DIAPH2: variants seen among roughly 807,000 people sequenced by gnomAD.
The protein encoded by DIAPH2 is diaphanous related formin 2, also known as protein diaphanous homolog 2.
Under a neutral mutation model 92.7 loss-of-function variants are expected in DIAPH2, and 35 were observed. The ratio of observed to expected loss-of-function variants is 0.38; its 90% CI spans 0.29 to 0.50. The LOEUF is 0.50. DIAPH2 is among the 20% of genes least tolerant of loss of function. The pLI is 0.94. For missense variants in DIAPH2, 701 were observed against 819.5 expected (o/e 0.86, Z 1.77); for synonymous variants, 301 against 280.4 (o/e 1.07, Z -0.73).
Position 96,942,145 on chromosome X carries a change from C to T in DIAPH2, c.1444+9C>T. The T allele has an allele frequency of 1.0e-6, 1 of 992,841 alleles. No individual in the cohort carries two copies. Among genetic ancestry groups the T allele is most frequent in the Non-Finnish European group, 1.4e-6 (1 of 698,712 alleles). The allele number at this position is 992,841 out of a possible 1,213,427, so 81.8% of individuals were successfully genotyped here. ...TTTAACTCATCTGATAGGTATGTAT[C>T]ATAATCCTCATTGTCCTCTGATTGT... On this transcript the variant is annotated intron_variant, in intron 13 of 26. Coordinates refer to ENST00000324765, the MANE Select transcript of DIAPH2 (RefSeq NM_006729.5).
intron 17 of DIAPH2, among the ~76,000 whole-genome samples, chrX:97,047,324 A>G (rs771473401): frequency 9.0e-6 from 1 of 110,561 alleles, no homozygotes; most frequent in South Asian, 3.9e-4. Flanking sequence ...GTGTTTATCT[A>G]GTTCAGATAG....
intron 26 of DIAPH2, among the ~76,000 whole-genome samples, chrX:97,589,000 T>TATATATATATATATATATATATATAC (rs1454884586): frequency 3.2e-5 from 2 of 62,688 alleles, no homozygotes; most frequent in African/African-American, 1.0e-4. Context: ...TATAGAAATA[T>TATATATATATATATATATATATATAC]ATATATATAT....
intron 26 of DIAPH2, among the ~76,000 whole-genome samples, chrX:97,538,136 G>A (rs1448787452): frequency 1.8e-5 from 2 of 110,299 alleles, no homozygotes; most frequent in African/African-American, 3.3e-5. Flanking sequence ...TGCCCGCCTC[G>A]GCCTCCCAAA....
Position 97,604,605 on chromosome X carries a change from A to T in DIAPH2, c.*5288A>T, listed in dbSNP as rs1032580673. ...GATACTTTTGCTACTATGGGCAATT[A>T]ACTTGAAAAAAATAATCGATCCCAA... On this transcript the variant is annotated 3_prime_UTR_variant, in exon 27 of 27. Coordinates refer to ENST00000324765, the MANE Select transcript of DIAPH2 (RefSeq NM_006729.5). The T allele has an allele frequency of 8.9e-6, 1 of 112,007 alleles. No individual in the cohort carries two copies. Among genetic ancestry groups the T allele is most frequent in the Non-Finnish European group, 1.9e-5 (1 of 53,128 alleles). 9.2% of individuals were successfully genotyped at this position (112,007 alleles called of 1,213,427 possible).
intron 26 of DIAPH2, among the ~76,000 whole-genome samples, chrX:97,499,470 G>A (rs2070780449): frequency 9.0e-6 from 1 of 111,703 alleles, no homozygotes; most frequent in East Asian, 2.8e-4. Flanking sequence ...TAGGTATATT[G>A]AATGGTGAGA....
chrX:96,945,651 C>A, intron 14 of DIAPH2, 60 bp downstream of exon 14: 1 of 814,339 alleles, frequency 1.2e-6, no homozygotes, highest in Non-Finnish European at 1.7e-6. Flanking sequence ...CAGTAATACT[C>A]TACCTTCTTT....
chrX:97,526,575 G>A (rs1200814337), intron 26 of DIAPH2, among the ~76,000 whole-genome samples: 2 of 110,327 alleles, frequency 1.8e-5, no homozygotes, highest in Non-Finnish European at 3.8e-5. Context: ...TGCTAAGTAT[G>A]TCTTGCCTCC....
intron 13 of DIAPH2, among the ~76,000 whole-genome samples, chrX:96,943,145 T>C (rs1352687798): frequency 1.8e-5 from 2 of 110,794 alleles, no homozygotes; most frequent in Non-Finnish European, 3.8e-5. Context: ...CTGATTTTTC[T>C]TGGAACTTTA....
intron 5 of DIAPH2, chrX:96,884,184 G>A (rs1004795656): frequency 5.8e-6 from 3 of 516,085 alleles, no homozygotes; most frequent in Non-Finnish European, 9.3e-6. Context: ...GCATTCAATC[G>A]TAGCCTTTCG....
chrX:96,992,279 T>A (rs1402372496), intron 17 of DIAPH2, among the ~76,000 whole-genome samples: 1 of 111,604 alleles, frequency 9.0e-6, no homozygotes, highest in Non-Finnish European at 1.9e-5. Flanking sequence ...ACTGGTTAGT[T>A]GGCATTAAAC....
intron 9 of DIAPH2, among the ~76,000 whole-genome samples, chrX:96,927,225 A>C (rs1388567071): frequency 9.6e-6 from 1 of 103,850 alleles, no homozygotes; most frequent in East Asian, 3.0e-4. Context: ...GGACCAGAGT[A>C]TTTTATGTTC....
chrX:96,826,139 G>A (rs1284328191), intron 4 of DIAPH2, among the ~76,000 whole-genome samples: 2 of 111,066 alleles, frequency 1.8e-5, no homozygotes, highest in African/African-American at 3.3e-5. Context: ...TATTTTGGCC[G>A]GGTGTGGTGG....
chrX:97,009,618 A>G (rs2066210089), intron 17 of DIAPH2, among the ~76,000 whole-genome samples: 1 of 112,447 alleles, frequency 8.9e-6, no homozygotes, highest in South Asian at 3.7e-4. Context: ...CTACTTAGTC[A>G]GTGCCCAAGG....
At chrX:97,034,423 C>A (rs2066396420) in intron 17 of DIAPH2, among the ~76,000 whole-genome samples, 1 of 107,104 alleles carries the variant, frequency 9.3e-6, no homozygotes. Flanking sequence ...GCCTAAGGTT[C>A]CAAAAAATAG....
intron 25 of DIAPH2, among the ~76,000 whole-genome samples, chrX:97,408,039 A>G (rs2069828312): frequency 8.9e-6 from 1 of 111,904 alleles, no homozygotes; most frequent in African/African-American, 3.2e-5. Context: ...TGATATAATT[A>G]TATCTCTGAG....
At chrX:97,529,889 T>G (rs1028145711) in intron 26 of DIAPH2, among the ~76,000 whole-genome samples, 23 of 112,069 alleles carry the variant, frequency 2.1e-4, no homozygotes, top group African/African-American at 7.1e-4. Flanking sequence ...GGCAGAACAA[T>G]GCTCTGCCAA....
In DIAPH2 at chrX:97,054,156, T is replaced by G. The variant is rs945852131; in HGVS notation, c.2051-18785T>G. 2.7e-5 allele frequency among the ~76,000 whole-genome samples: 3 copies of G among 112,131 alleles called. No individual in the cohort carries two copies. In the Admixed American group the frequency reaches 2.8e-4, roughly 11 times the overall value. On this transcript the variant is annotated intron_variant, in intron 17 of 26. Coordinates refer to ENST00000324765, the MANE Select transcript of DIAPH2 (RefSeq NM_006729.5). ...CTGTGACATCTTAAATGCATTTTGT[T>G]TATAGATATAGAGGTTGAAGGTCAA...
intron 5 of DIAPH2, among the ~76,000 whole-genome samples, chrX:96,883,381 T>G: frequency 9.2e-6 from 1 of 109,087 alleles, no homozygotes; most frequent in Non-Finnish European, 1.9e-5. Context: ...TGTTTTTTGT[T>G]TTTTGTTTTT....
chrX:96,971,902 C>G (rs976736388), intron 17 of DIAPH2, among the ~76,000 whole-genome samples: 1 of 111,878 alleles, frequency 8.9e-6, no homozygotes, highest in Admixed American at 9.5e-5. Context: ...TTTTGTAACA[C>G]ACAGTAACTA....
Sources: allele counts gnomAD v4.1 joint callset (sites outside exome capture counted in the v4.1 genomes callset), GRCh38; gene constraint gnomAD v4.1.1; transcripts MANE v1.5; gene names NCBI Gene and HGNC (gene_info 2026-07-23, HGNC 2026-07-21).